Variants in ITPR1 observed in about 807,000 individuals in gnomAD.
The protein encoded by ITPR1 is inositol 1,4,5-trisphosphate-gated calcium channel ITPR1.
Under a neutral mutation model 318.4 loss-of-function variants are expected in ITPR1, and 96 were observed. The ratio of observed to expected loss-of-function variants is 0.30; its 90% CI spans 0.26 to 0.36. ITPR1 has a LOEUF of 0.36. ITPR1 is among the 10% of genes least tolerant of loss of function. ITPR1 has a pLI of 1.00. For synonymous variants in ITPR1, 1,312 were observed against 1,289.9 expected (o/e 1.02, Z -0.37); for missense variants, 2,440 against 3,460.2 (o/e 0.71, Z 7.40).
chr3:4,777,338 G>T lies in ITPR1; in HGVS notation c.6255G>T (p.Leu2085Phe). 1 of 1,605,326 alleles carries T rather than the reference G, an allele frequency of 6.2e-7. No homozygotes were observed. The highest frequency in any genetic ancestry group is 1.1e-5 in the South Asian group (1 of 89,120). Residue 2085 changes from leucine (L) to phenylalanine (F), a missense_variant, in exon 48 of 62, where the codon TTG (leucine) becomes TTT (phenylalanine). This residue lies in a region of ITPR1 where 76 missense variants were observed against 162.1 expected (regional missense o/e 0.47). Transcript: ENST00000649015. Reference protein sequence around the residue: ...TALILNDINPLGKKRMDLVLE... With the variant: ...TALILNDINPFGKKRMDLVLE... ...TGATCCTCAATGATATCAATCCTTTGGGAAAGAAGAGGATGGACCTTGTGT... is the reference window on the plus strand; with the variant it reads ...TGATCCTCAATGATATCAATCCTTTTGGAAAGAAGAGGATGGACCTTGTGT...
intron 4 of ITPR1, among the ~76,000 whole-genome samples, chr3:4,555,664 A>G (rs1020873789): frequency 2.0e-5 from 3 of 152,238 alleles, no homozygotes; most frequent in Admixed American, 1.3e-4. Context: ...GGATTATTCC[A>G]TAGTATGGAT....
At chr3:4,840,650 G>T (rs1185082210) in intron 61 of ITPR1, among the ~76,000 whole-genome samples, 2 of 152,098 alleles carry the variant, frequency 1.3e-5, no homozygotes, top group African/African-American at 2.4e-5. Flanking sequence ...TATGGTTAGT[G>T]GTGTCACTTT....
chr3:4,581,466 C>A (rs2089330115), intron 4 of ITPR1, among the ~76,000 whole-genome samples: 1 of 152,158 alleles, frequency 6.6e-6, no homozygotes, highest in Non-Finnish European at 1.5e-5. Flanking sequence ...TTGCCATATT[C>A]TCCACGAGCC....
intron 5 of ITPR1, among the ~76,000 whole-genome samples, chr3:4,638,954 C>G (rs527369354): frequency 1.3e-5 from 2 of 152,262 alleles, no homozygotes; most frequent in African/African-American, 4.8e-5. Flanking sequence ...TTAAATAACA[C>G]ATTCAAGTTC....
intron 59 of ITPR1, among the ~76,000 whole-genome samples, chr3:4,817,157 T>C (rs1238386937): frequency 1.3e-5 from 2 of 152,228 alleles, no homozygotes; most frequent in Non-Finnish European, 2.9e-5. Context: ...TATTCCAGGC[T>C]TAGGCTCACC....
chr3:4,592,424 C>G (rs536207628), intron 4 of ITPR1, among the ~76,000 whole-genome samples: 1 of 151,872 alleles, frequency 6.6e-6, no homozygotes, highest in African/African-American at 2.4e-5. Flanking sequence ...ACCATTTTTT[C>G]TCTTTAGGCA....
chr3:4,531,360 C>T (rs1049314017), intron 4 of ITPR1, among the ~76,000 whole-genome samples: 1 of 152,154 alleles, frequency 6.6e-6, no homozygotes, highest in Non-Finnish European at 1.5e-5. Flanking sequence ...ACATTTCTCA[C>T]CAAAGTTGCT....
At chr3:4,550,345 G>C (rs1055322530) in intron 4 of ITPR1, among the ~76,000 whole-genome samples, 1 of 152,194 alleles carries the variant, frequency 6.6e-6, no homozygotes, top group African/African-American at 2.4e-5. Flanking sequence ...TCCGCTGCCA[G>C]AGCGCTTGGT....
chr3:4,645,722 G>C lies in ITPR1; in HGVS notation c.849G>C (p.Glu283Asp). The C allele has an allele frequency of 3.7e-6, 6 of 1,612,722 alleles. No individual in the cohort carries two copies. The highest frequency in any genetic ancestry group is 5.1e-6 in the Non-Finnish European group (6 of 1,179,696). Residue 283 changes from glutamate to aspartate, a missense_variant, in exon 10 of 62, where the codon GAG (glutamate) becomes GAC (aspartate). Transcript: ENST00000649015. ...CCACCAGTTCAAAAGCCCTGTGGGA[G>C]GTGGAGGTAAGGGTAGGGTGGAGAA... ...TSATSSKALW[E>D]VEVVQHDPCR...
At chr3:4,830,086 G>A (rs2050372936) in intron 60 of ITPR1, among the ~76,000 whole-genome samples, 2 of 146,494 alleles carry the variant, frequency 1.4e-5, no homozygotes, top group South Asian at 4.3e-4. Context: ...CGATTCTCCT[G>A]CCTCAGCCTC....
At chr3:4,745,669 C>T (rs1488588688) in intron 44 of ITPR1, among the ~76,000 whole-genome samples, 2 of 152,190 alleles carry the variant, frequency 1.3e-5, no homozygotes, top group Non-Finnish European at 2.9e-5. Flanking sequence ...GCCCAGGCCT[C>T]CAGCAGCCAT....
At position 4,639,449 on chromosome 3, in the gene ITPR1, C is replaced by A. The variant is rs1394236969; in HGVS notation, c.345C>A (p.Ile115=). The change falls in exon 6 of 62, where the codon ATC becomes ATA. Residue 115 remains isoleucine (I), a synonymous_variant. Transcript: ENST00000649015. Reference sequence around the variant, plus strand: ...ACAGGAAATTGCTGGGGACCGTAATCCAGTATGGCAATGTGATCCAGGTAG... The same window carrying A: ...ACAGGAAATTGCTGGGGACCGTAATACAGTATGGCAATGTGATCCAGGTAG... The part of the protein sequence containing the change: ...TENRKLLGTV[I]QYGNVIQLLH... The A allele has an allele frequency of 3.8e-6, 6 of 1,581,822 alleles. No individual in the cohort carries two copies. The highest frequency in any genetic ancestry group is 1.3e-5 in the African/African-American group (1 of 74,318).
At chr3:4,688,887 A>C (rs970417676) in intron 31 of ITPR1, among the ~76,000 whole-genome samples, 1 of 152,220 alleles carries the variant, frequency 6.6e-6, no homozygotes, top group Admixed American at 6.5e-5. Context: ...CAAGTCCTTC[A>C]TTGTATCAAA....
chr3:4,811,996 T>C (rs769348620), intron 56 of ITPR1, among the ~76,000 whole-genome samples: 3 of 151,790 alleles, frequency 2.0e-5, no homozygotes, highest in African/African-American at 4.8e-5. Context: ...AAGATGTAGT[T>C]GGAAATGGCA....
intron 4 of ITPR1, among the ~76,000 whole-genome samples, chr3:4,616,611 T>A (rs1323603928): frequency 6.6e-6 from 1 of 152,244 alleles, no homozygotes; most frequent in Non-Finnish European, 1.5e-5. Context: ...GAAGAATTTT[T>A]AAAACAATGG....
chr3:4,657,717 GC>G (rs11356572), intron 12 of ITPR1, among the ~76,000 whole-genome samples: 152,197 of 152,198 alleles, frequency 1, 76,098 homozygotes, highest in Middle Eastern at 1. Context: ...GCCTGCCTTG[GC>G]CCTCCCAAAG....
chr3:4,595,529 G>T (rs9861380), intron 4 of ITPR1, among the ~76,000 whole-genome samples: 24 of 152,194 alleles, frequency 1.6e-4, no homozygotes, highest in African/African-American at 5.5e-4. Flanking sequence ...TTGGGTGGAG[G>T]TGCAGATCCA....
At position 4,498,862 on chromosome 3, in the gene ITPR1, A is replaced by C. The variant is rs193061757; in HGVS notation, c.-17+4356A>C. 1.7e-3 allele frequency among the ~76,000 whole-genome samples: 266 copies of C among 152,372 alleles called. 2 individuals carry two copies. The highest frequency in any genetic ancestry group is 0.015 in the Admixed American group (230 of 15,302). Reference sequence around the variant, plus strand: ...TCCAGTGTCGTTTTAAGAGATATTTACAAGGAGGACTAATATTCTGCTCTC... The same window carrying C: ...TCCAGTGTCGTTTTAAGAGATATTTCCAAGGAGGACTAATATTCTGCTCTC... On this transcript the variant is annotated intron_variant, in intron 2 of 61. Coordinates refer to ENST00000649015, the MANE Select transcript of ITPR1 (RefSeq NM_001378452.1).
chr3:4,658,855 A>G (rs186210791), intron 13 of ITPR1, among the ~76,000 whole-genome samples: 63 of 152,284 alleles, frequency 4.1e-4, no homozygotes, highest in East Asian at 3.7e-3. Context: ...AGAATCAACA[A>G]TATTAATAAT....
Sources: gnomAD v4.1 joint callset for allele counts (sites outside exome capture counted in the v4.1 genomes callset) on GRCh38, gnomAD v4.1.1 for gene constraint, gnomAD v4.1.1 regional missense constraint, MANE v1.5 for transcripts, NCBI Gene and HGNC (gene_info 2026-07-23, HGNC 2026-07-21) for gene names.